CEP57: variants seen among roughly 807,000 people sequenced by gnomAD.
CEP57 encodes centrosomal protein of 57 kDa.
CEP57 carries 40 observed loss-of-function variants against 68.0 expected under a neutral mutation model. That is an observed-to-expected ratio of 0.59 (90% CI 0.46 to 0.77). CEP57 has a LOEUF of 0.77. CEP57 is among the 30% of genes least tolerant of loss of function. The pLI, the probability that CEP57 is intolerant of heterozygous loss-of-function variation, is 0.00. For synonymous variants in CEP57, 219 were observed against 198.7 expected, an observed-to-expected ratio of 1.10 and a Z score of -0.86; for missense variants, 606 against 580.7, an observed-to-expected ratio of 1.04 and a Z score of -0.45.
intron 10 of CEP57, 86 bp from the exon 11 acceptor site, chr11:95,830,940 A>G: frequency 1.0e-6 from 1 of 1,001,990 alleles, no homozygotes; most frequent in Non-Finnish European, 1.6e-6. Context: ...TAACCAAAAA[A>G]AGGTACTCTT....
At chr11:95,820,303 A>G (rs1862466093) in intron 6 of CEP57, among the ~76,000 whole-genome samples, 1 of 152,134 alleles carries the variant, frequency 6.6e-6, no homozygotes, top group Non-Finnish European at 1.5e-5. Flanking sequence ...TTCCAAGTCT[A>G]GTGTTGGGCA....
In CEP57 at chr11:95,831,388, T is replaced by G. The variant is rs1254956236; in HGVS notation, c.*132T>G. The G allele has an allele frequency of 5.8e-6, 4 of 685,782 alleles. No homozygotes were observed. The highest frequency in any genetic ancestry group is 5.2e-6 in the Non-Finnish European group (2 of 386,112). The allele number at this position is 685,782 out of a possible 1,614,324, so 42.5% of individuals were successfully genotyped here. A position where few individuals can be genotyped will look rare whatever the true frequency, so the allele number is the denominator to read the frequency against. ...TAGCAGGTGTTAAAGGACCCAGGCTTCATTACACAGGCTTTTCATGTATGC... is the reference window on the plus strand; with the variant it reads ...TAGCAGGTGTTAAAGGACCCAGGCTGCATTACACAGGCTTTTCATGTATGC... On this transcript the variant is annotated 3_prime_UTR_variant, in exon 11 of 11. Coordinates refer to ENST00000325542, the MANE Select transcript of CEP57 (RefSeq NM_014679.5).
At chr11:95,796,730 G>T (rs1439875310) in intron 1 of CEP57, among the ~76,000 whole-genome samples, 1 of 152,142 alleles carries the variant, frequency 6.6e-6, no homozygotes, top group East Asian at 1.9e-4. Flanking sequence ...AAGGGGCTCC[G>T]TTTCACAAGA....
chr11:95,806,518 C>G (rs1861807785), intron 2 of CEP57, among the ~76,000 whole-genome samples: 2 of 152,314 alleles, frequency 1.3e-5, no homozygotes, highest in Admixed American at 1.3e-4. Context: ...AGGACACTCC[C>G]ACCCTAATAC....
intron 2 of CEP57, among the ~76,000 whole-genome samples, chr11:95,802,216 C>G (rs1861610335): frequency 6.7e-6 from 1 of 149,734 alleles, no homozygotes; most frequent in Non-Finnish European, 1.5e-5. Flanking sequence ...AAAAGTTCAA[C>G]AAGAGTACAG....
intron 1 of CEP57, among the ~76,000 whole-genome samples, chr11:95,795,755 G>A (rs1390157865): frequency 6.6e-6 from 1 of 152,086 alleles, no homozygotes; most frequent in Non-Finnish European, 1.5e-5. Flanking sequence ...ATTTAGTTTG[G>A]AACTGTTGCA....
At chr11:95,807,973 G>T (rs928423023) in intron 2 of CEP57, among the ~76,000 whole-genome samples, 1 of 152,164 alleles carries the variant, frequency 6.6e-6, no homozygotes, top group African/African-American at 2.4e-5. Context: ...CAGAGAGAAA[G>T]GTCAGGTTAC....
chr11:95,793,846 A>C (rs1469582189), intron 1 of CEP57, among the ~76,000 whole-genome samples: 1 of 152,180 alleles, frequency 6.6e-6, no homozygotes, highest in Non-Finnish European at 1.5e-5. Flanking sequence ...CAGATATTAG[A>C]AACAATCTTG....
In CEP57 at chr11:95,813,117, T is replaced by C; in HGVS notation, c.382+6T>C. 6.2e-7 allele frequency: 1 copy of C among 1,611,448 alleles called. No individual in the cohort carries two copies. Among genetic ancestry groups the C allele is most frequent in the Non-Finnish European group, 8.5e-7 (1 of 1,179,390 alleles). On this transcript the variant is annotated splice_donor_region_variant and intron_variant, in intron 3 of 10. Transcript: ENST00000325542. ...GGAATCAAAGCACAATCAAGGTTTG[T>C]TGATGAAGAAAATTAAAATTCTATC...
At chr11:95,829,395 A>G (rs1211886944) in intron 10 of CEP57, 64 bp downstream of exon 10, 4 of 1,452,854 alleles carry the variant, frequency 2.8e-6, no homozygotes, top group Non-Finnish European at 3.9e-6. Flanking sequence ...TTTAATTCAA[A>G]TATTAAATGA....
chr11:95,801,590 A>G lies in CEP57; in HGVS notation c.202+2202A>G, dbSNP rs564755342. On this transcript the variant is annotated intron_variant, in intron 2 of 10. Transcript: ENST00000325542. ...GGAACACAAAATCTAAGAATTAGAT[A>G]TTAATCCTTCAACTATAATATTGTA... Among the ~76,000 whole-genome samples the G allele has an allele frequency of 2.0e-5, 3 of 152,300 alleles. No individual in the cohort carries two copies. In the East Asian group the frequency reaches 5.8e-4, roughly 29 times the overall value.
At chr11:95,799,183 T>C in intron 1 of CEP57, 49 bp from the exon 2 acceptor site, 1 of 1,593,556 alleles carries the variant, frequency 6.3e-7, no homozygotes, top group Non-Finnish European at 8.6e-7. Context: ...TTAAATCTGC[T>C]ATTTGTGGTT....
chr11:95,802,648 G>A (rs1160042284), intron 2 of CEP57, among the ~76,000 whole-genome samples: 1 of 152,178 alleles, frequency 6.6e-6, no homozygotes, highest in Non-Finnish European at 1.5e-5. Context: ...GCCTAAAATA[G>A]TAGTTTAGTG....
At chr11:95,794,640 T>A (rs1591042843) in intron 1 of CEP57, among the ~76,000 whole-genome samples, 1 of 152,186 alleles carries the variant, frequency 6.6e-6, no homozygotes, top group East Asian at 1.9e-4. Context: ...GTTAAGACTG[T>A]TCCAGAGACA....
At chr11:95,819,239 T>C (rs1438190002) in intron 6 of CEP57, among the ~76,000 whole-genome samples, 3 of 152,190 alleles carry the variant, frequency 2.0e-5, no homozygotes, top group Admixed American at 2.0e-4. Context: ...AAAGCTATCT[T>C]TCAGTATTGT....
chr11:95,810,234 A>T (rs781771364), intron 2 of CEP57, among the ~76,000 whole-genome samples: 1 of 152,248 alleles, frequency 6.6e-6, no homozygotes, highest in South Asian at 2.1e-4. Context: ...ACAAACCCAC[A>T]GCCAATATCA....
At chr11:95,814,026 T>C (rs746032376) in intron 4 of CEP57, among the ~76,000 whole-genome samples, 1 of 152,138 alleles carries the variant, frequency 6.6e-6, no homozygotes, top group Non-Finnish European at 1.5e-5. Flanking sequence ...TGAGAAGATA[T>C]CTCAACATCA....
At chr11:95,824,371 G>A (rs1862649961) in intron 8 of CEP57, among the ~76,000 whole-genome samples, 1 of 152,036 alleles carries the variant, frequency 6.6e-6, no homozygotes, top group Admixed American at 6.6e-5. Context: ...CTTTTATGTG[G>A]ATGCAGGATT....
intron 2 of CEP57, among the ~76,000 whole-genome samples, chr11:95,800,020 C>T (rs1861506703): frequency 6.6e-6 from 1 of 152,184 alleles, no homozygotes; most frequent in South Asian, 2.1e-4. Context: ...AACCTGCCAT[C>T]TGTATTAGTT....
Sources: allele counts gnomAD v4.1 joint callset (sites outside exome capture counted in the v4.1 genomes callset), GRCh38; gene constraint gnomAD v4.1.1; transcripts MANE v1.5; gene names NCBI Gene and HGNC (gene_info 2026-07-23, HGNC 2026-07-21).